SEC61A1: variants seen among roughly 807,000 people sequenced by gnomAD.
SEC61A1 encodes SEC61 translocon subunit alpha 1.
Under a neutral mutation model 55.2 loss-of-function variants are expected in SEC61A1, and 15 were observed. The observed-to-expected ratio is 0.27, with a 90% CI of 0.18 to 0.42. SEC61A1 has a LOEUF of 0.42. Ranked by LOEUF, SEC61A1 falls within the 10% of genes least tolerant of loss-of-function variation. The pLI, the probability that SEC61A1 is intolerant of heterozygous loss-of-function variation, is 1.00. For synonymous variants in SEC61A1, 247 were observed against 234.0 expected (o/e 1.06, Z -0.51); for missense variants, 284 against 602.6 (o/e 0.47, Z 5.53).
chr3:128,063,515 T>C (rs189973130), intron 7 of SEC61A1, among the ~76,000 whole-genome samples: 4 of 152,196 alleles, frequency 2.6e-5, no homozygotes, highest in Non-Finnish European at 5.9e-5. Flanking sequence ...TTTTGTATTA[T>C]TAGTAGAGAC....
chr3:128,066,829 C>T, intron 8 of SEC61A1, 125 bp from the exon 9 acceptor site: 1 of 858,162 alleles, frequency 1.2e-6, no homozygotes, highest in Non-Finnish European at 1.8e-6. Context: ...AACTGGGAGC[C>T]CCAGAACCAG....
In SEC61A1 at chr3:128,067,211, G is replaced by C; in HGVS notation, c.975+60G>C. ...AGCTAAGTTGCAGTGGTTTCTATCA[G>C]TGTCTTGCTCATGAACAGATATTTC... is the stretch of plus-strand genomic sequence containing the variant. On this transcript the variant is annotated intron_variant, in intron 9 of 11. Coordinates refer to ENST00000243253, the MANE Select transcript of SEC61A1 (RefSeq NM_013336.4). This position sits in a 1 kb window ranked among gnomAD's most constrained non-coding sequence, Gnocchi z 4.1. The C allele has an allele frequency of 1.3e-6, 2 of 1,497,792 alleles. No individual in the cohort carries two copies. Among genetic ancestry groups the C allele is most frequent in the Non-Finnish European group, 1.9e-6 (2 of 1,075,042 alleles). 92.8% of individuals were successfully genotyped at this position (1,497,792 alleles called of 1,614,324 possible). A position where few individuals can be genotyped will look rare whatever the true frequency, so the allele number is the denominator to read the frequency against.
At chr3:128,056,213 T>C (rs1430903306) in intron 4 of SEC61A1, among the ~76,000 whole-genome samples, 1 of 152,220 alleles carries the variant, frequency 6.6e-6, no homozygotes, top group African/African-American at 2.4e-5. Flanking sequence ...AATGTGTAGG[T>C]TGATACTGCA....
At chr3:128,061,456 C>A (rs1941850227) in intron 7 of SEC61A1, among the ~76,000 whole-genome samples, 1 of 152,206 alleles carries the variant, frequency 6.6e-6, no homozygotes, top group South Asian at 2.1e-4. Flanking sequence ...CACTGAGGAG[C>A]ATTCCAGGAG....
At chr3:128,057,289 C>G (rs1300950140) in intron 5 of SEC61A1, among the ~76,000 whole-genome samples, 2 of 152,180 alleles carry the variant, frequency 1.3e-5, no homozygotes, top group African/African-American at 4.8e-5. Context: ...TGCAGGAGCT[C>G]CATGCCCTGT....
In SEC61A1 at chr3:128,067,968, G is replaced by T. The variant is rs1942035132; in HGVS notation, c.1168-15G>T. On this transcript the variant is annotated splice_polypyrimidine_tract_variant and intron_variant, in intron 10 of 11. Coordinates refer to ENST00000243253, the MANE Select transcript of SEC61A1 (RefSeq NM_013336.4). The surrounding 1 kb of genome is among the most constrained non-coding windows in gnomAD (Gnocchi z 4.1). ...AGCCTCCAATTCCAACTTCTCCCCT[G>T]TGGGCACCCTGCAGGTTGCAAAGCA... 4 of 1,612,544 alleles carry T rather than the reference G, an allele frequency of 2.5e-6. No individual in the cohort carries two copies. The highest frequency in any genetic ancestry group is 3.4e-6 in the Non-Finnish European group (4 of 1,178,842).
chr3:128,051,706 A>C, upstream of SEC61A1: 2 of 1,448,916 alleles, frequency 1.4e-6, no homozygotes, highest in Non-Finnish European at 1.8e-6. Flanking sequence ...TTCTCGCCAG[A>C]ATCTATCAAG....
intron 8 of SEC61A1, 75 bp downstream of exon 8, chr3:128,065,112 C>G: frequency 1.4e-6 from 2 of 1,452,690 alleles, no homozygotes; most frequent in Non-Finnish European, 1.9e-6. Context: ...TGCAGTCCCC[C>G]ACTCTGTGGG....
In SEC61A1 at chr3:128,060,225, T is replaced by C. The variant is rs1472724888; in HGVS notation, c.462+14T>C. On this transcript the variant is annotated intron_variant, in intron 6 of 11. Coordinates refer to ENST00000243253, the MANE Select transcript of SEC61A1 (RefSeq NM_013336.4). ...ATCACCATTCAGGTAATTATTATGC[T>C]AACATCTCCCTTTGAGTAGCCCCTC... 7 of 1,559,170 alleles carry C rather than the reference T, an allele frequency of 4.5e-6. No homozygotes were observed.
At chr3:128,059,022 A>G (rs146054659) in intron 5 of SEC61A1, among the ~76,000 whole-genome samples, 1 of 151,928 alleles carries the variant, frequency 6.6e-6, no homozygotes, top group African/African-American at 2.4e-5. Flanking sequence ...CTTTGGAGTA[A>G]AATTAATTTT....
intron 7 of SEC61A1, 35 bp from the exon 8 acceptor site, chr3:128,064,842 C>G (rs768136095): frequency 2.0e-6 from 3 of 1,535,772 alleles, no homozygotes; most frequent in Admixed American, 2.1e-5. Context: ...GTTGCCTGTT[C>G]GTTCCTTCAT....
In SEC61A1 at chr3:128,060,665, A is replaced by G. The variant is rs1208667237; in HGVS notation, c.616+4A>G. ...ACTACTGTCAACACTGGCCGAGGTAAGGGCCCTGTGCTCCCCTGGTGGCGA... is the reference window on the plus strand; with the variant it reads ...ACTACTGTCAACACTGGCCGAGGTAGGGGCCCTGTGCTCCCCTGGTGGCGA... On this transcript the variant is annotated splice_donor_region_variant and intron_variant, in intron 7 of 11. Transcript: ENST00000243253. 5 of 1,613,814 alleles carry G rather than the reference A, an allele frequency of 3.1e-6. No individual in the cohort carries two copies. Among genetic ancestry groups the G allele is most frequent in the Non-Finnish European group, 4.2e-6 (5 of 1,179,902 alleles).
At position 128,060,628 on chromosome 3, in the gene SEC61A1, G is replaced by T. The variant is rs770937704; in HGVS notation, c.583G>T (p.Ala195Ser). 1.2e-6 allele frequency: 2 copies of T among 1,614,160 alleles called. No homozygotes were observed. The highest frequency in any genetic ancestry group is 3.3e-5 in the Admixed American group (2 of 60,012). The change falls in exon 7 of 12, where the codon GCA becomes TCA. Residue 195 changes from alanine to serine, a missense_variant. By Grantham distance (99) the Ala-to-Ser change is moderately conservative (BLOSUM62 1). Transcript: ENST00000243253. ...TNICETIVWK[A>S]FSPTTVNTGR... ...CATCTGTGAAACCATCGTATGGAAG[G>T]CATTCAGCCCCACTACTGTCAACAC...
rs1941908030 is a variant in SEC61A1 at position 128,064,644 on chromosome 3, C to T, written c.617-233C>T. On this transcript the variant is annotated intron_variant, in intron 7 of 11. Coordinates refer to ENST00000243253, the MANE Select transcript of SEC61A1 (RefSeq NM_013336.4). ...GCCTAGGCAGCCGAGAGAGAGGGACCCTGTCTAAAAAAAATCAAAAACAAA... is the reference window on the plus strand; with the variant it reads ...GCCTAGGCAGCCGAGAGAGAGGGACTCTGTCTAAAAAAAATCAAAAACAAA... The T allele has an allele frequency of 7.8e-6, 4 of 510,400 alleles. No individual in the cohort carries two copies. The South Asian group carries it at 1.0e-4, about 13-fold the overall frequency. 31.6% of individuals were successfully genotyped at this position (510,400 alleles called of 1,614,324 possible).
intron 8 of SEC61A1, 174 bp from the exon 9 acceptor site, chr3:128,066,780 G>C: frequency 1.6e-6 from 1 of 618,060 alleles, no homozygotes. Context: ...CCAAGTGCAG[G>C]AGTGCAGTGG....
At chr3:128,051,653 A>G, upstream of SEC61A1, 1 of 1,412,366 alleles carries the variant, frequency 7.1e-7, no homozygotes, top group Middle Eastern at 2.4e-4. Context: ...TCACACCGCC[A>G]TGCTTTGCCC....
At chr3:128,069,141 C>G (rs111395280) in intron 11 of SEC61A1, among the ~76,000 whole-genome samples, 3 of 152,238 alleles carry the variant, frequency 2.0e-5, no homozygotes, top group African/African-American at 7.2e-5. Context: ...ATATATTTAA[C>G]CTAGTATATC....
At chr3:128,052,187 G>A (rs186426103), upstream of SEC61A1, among the ~76,000 whole-genome samples, 433 of 151,924 alleles carry the variant, frequency 2.9e-3, 1 homozygote, top group African/African-American at 9.3e-3. Flanking sequence ...CACCCTCCCC[G>A]CGCGCTCTCG....
intron 5 of SEC61A1, among the ~76,000 whole-genome samples, chr3:128,058,845 G>A (rs1162515413): frequency 6.6e-6 from 1 of 152,144 alleles, no homozygotes; most frequent in Non-Finnish European, 1.5e-5. Context: ...AACAGAGCCT[G>A]TCTCTTAAAA....
Sources: gnomAD v4.1 joint callset for allele counts (sites outside exome capture counted in the v4.1 genomes callset) on GRCh38, gnomAD v4.1.1 for gene constraint, Gnocchi (gnomAD v3.1) non-coding constraint, MANE v1.5 for transcripts, NCBI Gene and HGNC (gene_info 2026-07-23, HGNC 2026-07-21) for gene names.